The following EHMT1 variants were observed in gnomAD, a reference collection of about 807,000 sequenced individuals.
EHMT1 encodes euchromatic histone lysine methyltransferase 1, also known as histone-lysine N-methyltransferase EHMT1.
In EHMT1, 15 loss-of-function variants were observed where a neutral mutation model predicts 147.2. The observed-to-expected ratio is 0.10, with a 90% CI of 0.07 to 0.16. The LOEUF is 0.16. EHMT1 is among the 10% of genes least tolerant of loss of function. The probability of loss-of-function intolerance (pLI) is 1.00; values close to 1 mark genes in which losing one functional copy is unlikely to be tolerated. For missense variants in EHMT1, 1,587 were observed against 1,772.4 expected, an observed-to-expected ratio of 0.90 and a Z score of 1.88; for synonymous variants, 795 against 709.6, an observed-to-expected ratio of 1.12 and a Z score of -1.91.
intron 3 of EHMT1, among the ~76,000 whole-genome samples, chr9:137,725,777 G>C (rs1946563847): frequency 6.6e-6 from 1 of 152,142 alleles, no homozygotes; most frequent in Non-Finnish European, 1.5e-5. Flanking sequence ...GAGAGGTGGA[G>C]ACCGTGAGGC....
rs148334056 is a variant in EHMT1 at position 137,623,445 on chromosome 9, C to T, written c.21+4396C>T. 5.2e-4 allele frequency among the ~76,000 whole-genome samples: 79 copies of T among 151,600 alleles called. No individual in the cohort carries two copies. In the East Asian group the frequency reaches 0.014, roughly 28 times the overall value. ...CTTTTTTTTTTTTGAGATGGAGGTC[C>T]GCTCCGTCGCCCAGGCTGGAGTGCA... On this transcript the variant is annotated intron_variant, in intron 1 of 26. Transcript: ENST00000460843.
intron 1 of EHMT1, among the ~76,000 whole-genome samples, chr9:137,635,081 C>T (rs1218813753): frequency 6.6e-6 from 1 of 151,812 alleles, no homozygotes; most frequent in Non-Finnish European, 1.5e-5. Context: ...AAAAGCCTTT[C>T]AGGATCTTGA....
intron 1 of EHMT1, among the ~76,000 whole-genome samples, chr9:137,669,407 G>A (rs1341534252): frequency 6.8e-6 from 1 of 146,418 alleles, no homozygotes. Context: ...CCCACAGCAC[G>A]TGCACTCCAC....
At chr9:137,735,540 C>T (rs1947458699) in intron 4 of EHMT1, among the ~76,000 whole-genome samples, 1 of 152,162 alleles carries the variant, frequency 6.6e-6, no homozygotes, top group African/African-American at 2.4e-5. Flanking sequence ...AGAAGTAAAT[C>T]CTCATCAATA....
At chr9:137,705,450 T>C (rs1944184313) in intron 1 of EHMT1, among the ~76,000 whole-genome samples, 1 of 152,192 alleles carries the variant, frequency 6.6e-6, no homozygotes, top group African/African-American at 2.4e-5. Context: ...CTGAAGCCAG[T>C]GTTTGAGTGA....
chr9:137,681,952 T>A (rs1205106810), intron 1 of EHMT1, among the ~76,000 whole-genome samples: 1 of 151,220 alleles, frequency 6.6e-6, no homozygotes, highest in Non-Finnish European at 1.5e-5. Context: ...TGTTTTTTTG[T>A]TTGTTTGTTT....
chr9:137,625,637 C>T (rs577980443), intron 1 of EHMT1, among the ~76,000 whole-genome samples: 16 of 152,098 alleles, frequency 1.1e-4, no homozygotes, highest in South Asian at 4.2e-4. Context: ...CGTGTGTGGC[C>T]GACAGTTTAT....
At chr9:137,689,772 T>G (rs949852751) in intron 1 of EHMT1, among the ~76,000 whole-genome samples, 1 of 152,184 alleles carries the variant, frequency 6.6e-6, no homozygotes, top group Non-Finnish European at 1.5e-5. Context: ...TCATTTGATG[T>G]GTGAATAAAG....
At chr9:137,742,958 C>T (rs886642941) in intron 4 of EHMT1, 5 of 282,064 alleles carry the variant, frequency 1.8e-5, no homozygotes, top group Non-Finnish European at 1.4e-5. Flanking sequence ...CTCCCTGCTG[C>T]ACATGCTGTT....
intron 2 of EHMT1, chr9:137,715,900 G>T (rs577387038): frequency 2.2e-6 from 2 of 922,050 alleles, no homozygotes; most frequent in East Asian, 2.3e-4. Flanking sequence ...AACGTTCAAC[G>T]TTAATGCTTA....
chr9:137,690,331 A>G (rs1332385759), intron 1 of EHMT1, among the ~76,000 whole-genome samples: 3 of 152,064 alleles, frequency 2.0e-5, no homozygotes, highest in African/African-American at 7.2e-5. Flanking sequence ...GATCAACTTT[A>G]TGAGCTGTTG....
intron 2 of EHMT1, among the ~76,000 whole-genome samples, chr9:137,714,772 C>T (rs528809200): frequency 1.3e-5 from 2 of 152,146 alleles, no homozygotes; most frequent in Admixed American, 1.3e-4. Context: ...GGGTCGTGAA[C>T]TCCTGGGTTC....
chr9:137,697,894 T>C (rs1943519297), intron 1 of EHMT1, among the ~76,000 whole-genome samples: 1 of 152,228 alleles, frequency 6.6e-6, no homozygotes, highest in East Asian at 1.9e-4. Flanking sequence ...TAAAATGTGA[T>C]TGCATATTCT....
chr9:137,693,382 C>T (rs1284147547), intron 1 of EHMT1, among the ~76,000 whole-genome samples: 6 of 152,118 alleles, frequency 3.9e-5, no homozygotes, highest in Admixed American at 1.3e-4. Flanking sequence ...CTGCAGCCCC[C>T]GCATAGCCTG....
At chr9:137,657,366 G>C (rs773781798) in intron 1 of EHMT1, among the ~76,000 whole-genome samples, 1 of 152,174 alleles carries the variant, frequency 6.6e-6, no homozygotes, top group Non-Finnish European at 1.5e-5. Flanking sequence ...GCAGTGTTGA[G>C]AGTTGGCTGC....
chr9:137,625,522 G>C (rs1843201454), intron 1 of EHMT1, among the ~76,000 whole-genome samples: 1 of 151,844 alleles, frequency 6.6e-6, no homozygotes, highest in African/African-American at 2.4e-5. Context: ...ATTTTTAGTA[G>C]AGATGGGGTT....
intron 1 of EHMT1, among the ~76,000 whole-genome samples, chr9:137,622,502 T>C (rs1842996829): frequency 6.6e-6 from 1 of 152,228 alleles, no homozygotes; most frequent in Non-Finnish European, 1.5e-5. Context: ...TATATGTTTG[T>C]ATTGTCATGT....
rs375739205 is a variant in EHMT1 at position 137,752,345 on chromosome 9, C to T, written c.1185C>T (p.Ser395=). The T allele has an allele frequency of 6.2e-6, 10 of 1,613,976 alleles. No homozygotes were observed. Among genetic ancestry groups the T allele is most frequent in the African/African-American group, 2.7e-5 (2 of 74,910 alleles). The change falls in exon 7 of 27, where the codon TCC becomes TCT. Residue 395 remains serine (S), a synonymous_variant. Coordinates refer to ENST00000460843, the MANE Select transcript of EHMT1 (RefSeq NM_024757.5). The part of the protein sequence containing the change: ...ADRAQKMDGE[S]EEEQESVDTG... ...TGGCTGATCAGATGGACGGGGAGTC[C>T]GAGGAGGAGCAGGAGTCCGTGGACA...
At chr9:137,800,821 A>T in intron 17 of EHMT1, 59 bp from the exon 18 acceptor site, 4 of 1,524,052 alleles carry the variant, frequency 2.6e-6, no homozygotes, top group Non-Finnish European at 3.6e-6. Context: ...GGGAGTCCTC[A>T]TTGCTCTGGT....
Sources: gnomAD v4.1 joint callset for allele counts (sites outside exome capture counted in the v4.1 genomes callset) on GRCh38, gnomAD v4.1.1 for gene constraint, MANE v1.5 for transcripts, NCBI Gene and HGNC (gene_info 2026-07-23, HGNC 2026-07-21) for gene names.